The following PTGER4 variants were observed in gnomAD, a reference collection of about 807,000 sequenced individuals.
PTGER4 encodes prostaglandin E receptor 4, also known as prostaglandin E2 receptor EP4 subtype.
A neutral mutation model predicts 33.2 loss-of-function variants in PTGER4; 11 were observed. The observed-to-expected ratio is 0.33, with a 90% CI of 0.21 to 0.55. The LOEUF (loss-of-function observed/expected upper bound fraction) is 0.55. Ranked by LOEUF, PTGER4 falls within the 20% of genes least tolerant of loss-of-function variation. PTGER4 has a pLI of 0.92. For missense variants in PTGER4, 481 were observed against 650.2 expected, an observed-to-expected ratio of 0.74 and a Z score of 2.83; for synonymous variants, 275 against 281.5, an observed-to-expected ratio of 0.98 and a Z score of 0.23.
intron 2 of PTGER4, among the ~76,000 whole-genome samples, chr5:40,685,912 A>T (rs1346725093): frequency 6.6e-6 from 1 of 152,170 alleles, no homozygotes; most frequent in African/African-American, 2.4e-5. Context: ...CTCCTATCAG[A>T]ATATTCAATG....
At chr5:40,724,259 A>G in the PTGER4 span, among the ~76,000 whole-genome samples, 5 of 152,246 alleles carry the variant, frequency 3.3e-5, no homozygotes, top group African/African-American at 1.2e-4. Context: ...GCTAAGTGAA[A>G]GAAGCCAGTC....
chr5:40,738,674 A>G, the PTGER4 span, among the ~76,000 whole-genome samples: 1 of 152,012 alleles, frequency 6.6e-6, no homozygotes, highest in South Asian at 2.1e-4. Flanking sequence ...AGCAATGTAT[A>G]AAAGTTTAAC....
At chr5:40,697,516 C>T (rs1424254571), downstream of PTGER4, among the ~76,000 whole-genome samples, 1 of 139,516 alleles carries the variant, frequency 7.2e-6, no homozygotes, top group African/African-American at 2.6e-5. Context: ...ACCCCGGAGG[C>T]GGAGGTTGCG....
the PTGER4 span, among the ~76,000 whole-genome samples, chr5:40,742,863 A>C: frequency 1.3e-5 from 2 of 152,180 alleles, no homozygotes; most frequent in African/African-American, 4.8e-5. Context: ...CGTATATTCT[A>C]TAGATATCAT....
the PTGER4 span, among the ~76,000 whole-genome samples, chr5:40,705,145 A>C: frequency 1.3e-5 from 2 of 152,042 alleles, no homozygotes; most frequent in African/African-American, 4.8e-5. Context: ...CAATGGAACA[A>C]AGTAGACAGC....
chr5:40,713,474 A>G, the PTGER4 span, among the ~76,000 whole-genome samples: 1 of 152,220 alleles, frequency 6.6e-6, no homozygotes, highest in South Asian at 2.1e-4. Flanking sequence ...AACCACTGCC[A>G]TAAAATTTTG....
At chr5:40,699,128 T>TA in the PTGER4 span, among the ~76,000 whole-genome samples, 1 of 150,296 alleles carries the variant, frequency 6.7e-6, no homozygotes, top group East Asian at 1.9e-4. Flanking sequence ...TACAATGCCA[T>TA]AGGCAAAATA....
chr5:40,680,462 C>T lies in PTGER4; in HGVS notation c.-60C>T, dbSNP rs45582639. 1.2e-3 allele frequency: 185 copies of T among 156,312 alleles called. No individual in the cohort carries two copies. Among genetic ancestry groups the T allele is most frequent in the Non-Finnish European group, 2.4e-3 (168 of 70,624 alleles). The allele number at this position is 156,312 out of a possible 1,614,324, so 9.7% of individuals were successfully genotyped here. Reference sequence around the variant, plus strand: ...CCCTGGGGGCTCGTGAGGCTGCCACCGCTGCTGCCGCTACAGGTGAGATGG... The same window carrying T: ...CCCTGGGGGCTCGTGAGGCTGCCACTGCTGCTGCCGCTACAGGTGAGATGG... On this transcript the variant is annotated 5_prime_UTR_variant, in exon 1 of 3. Transcript: ENST00000302472. The surrounding 1 kb of genome is among the most constrained non-coding windows in gnomAD (Gnocchi z 5.5).
the PTGER4 span, among the ~76,000 whole-genome samples, chr5:40,726,550 C>CA: frequency 0.26 from 34,578 of 132,736 alleles, 4,429 homozygotes; most frequent in Admixed American, 0.41. Context: ...ATTTAAATGG[C>CA]AAAAAAAAAA....
downstream of PTGER4, among the ~76,000 whole-genome samples, chr5:40,695,664 A>G (rs1343486002): frequency 6.6e-6 from 1 of 152,184 alleles, no homozygotes; most frequent in Non-Finnish European, 1.5e-5. Context: ...GTGAGCCAAG[A>G]TCGGCCACTG....
chr5:40,742,280 T>C, the PTGER4 span, among the ~76,000 whole-genome samples: 3 of 152,110 alleles, frequency 2.0e-5, no homozygotes, highest in Non-Finnish European at 4.4e-5. Flanking sequence ...TGAAGAAATA[T>C]ATAGCCAATC....
chr5:40,746,162 G>T, the PTGER4 span, among the ~76,000 whole-genome samples: 1 of 151,928 alleles, frequency 6.6e-6, no homozygotes, highest in African/African-American at 2.4e-5. Context: ...AATGAAAAAT[G>T]ATTTTTGGTC....
At chr5:40,682,931 A>G (rs1168531402) in intron 2 of PTGER4, among the ~76,000 whole-genome samples, 1 of 152,250 alleles carries the variant, frequency 6.6e-6, no homozygotes, top group African/African-American at 2.4e-5. Context: ...CTTTTAAAAT[A>G]TGATAAACAG....
At position 40,680,840 on chromosome 5, in the gene PTGER4, C is replaced by A. The variant is rs560031853; in HGVS notation, c.-43-111C>A. ...GTGGCTACAATCCAGAAAGTAGGAT[C>A]GAGTTGCTCCCCTTGTCTTATCAGT... On this transcript the variant is annotated intron_variant, in intron 1 of 2. Transcript: ENST00000302472. The surrounding 1 kb of genome is among the most constrained non-coding windows in gnomAD (Gnocchi z 5.5). 19 of 975,582 alleles carry A rather than the reference C, an allele frequency of 1.9e-5. No individual in the cohort carries two copies. In the African/African-American group the frequency reaches 2.9e-4, roughly 15 times the overall value. The allele number at this position is 975,582 out of a possible 1,614,324, so 60.4% of individuals were successfully genotyped here. A position where few individuals can be genotyped will look rare whatever the true frequency, so the allele number is the denominator to read the frequency against.
At chr5:40,699,094 A>C in the PTGER4 span, among the ~76,000 whole-genome samples, 1 of 152,186 alleles carries the variant, frequency 6.6e-6, no homozygotes. Context: ...ATATAGGAAC[A>C]GAAAAAACAG....
the PTGER4 span, chr5:40,728,324 A>G: frequency 1.3e-6 from 2 of 1,531,068 alleles, no homozygotes; most frequent in African/African-American, 1.4e-5. Context: ...TTTCTGCATT[A>G]TAATAATCTG....
downstream of PTGER4, among the ~76,000 whole-genome samples, chr5:40,695,754 G>C (rs1741574513): frequency 6.6e-6 from 1 of 152,096 alleles, no homozygotes; most frequent in Non-Finnish European, 1.5e-5. Context: ...AAAAAAGAAT[G>C]AATTCATGTC....
At chr5:40,730,764 A>G in the PTGER4 span, among the ~76,000 whole-genome samples, 1 of 152,214 alleles carries the variant, frequency 6.6e-6, no homozygotes, top group Non-Finnish European at 1.5e-5. Context: ...GCAACTTACT[A>G]AAGTACAAAA....
the PTGER4 span, chr5:40,728,550 AT>A: frequency 7.3e-7 from 1 of 1,360,734 alleles, no homozygotes; most frequent in South Asian, 1.5e-5. Context: ...AACCCTTTTC[AT>A]TTTTTAAGAT....
Sources: allele counts gnomAD v4.1 joint callset (sites outside exome capture counted in the v4.1 genomes callset), GRCh38; gene constraint gnomAD v4.1.1; non-coding constraint Gnocchi (gnomAD v3.1); transcripts MANE v1.5; gene names NCBI Gene and HGNC (gene_info 2026-07-23, HGNC 2026-07-21).